The following ARSB variants were observed in gnomAD, a reference collection of about 807,000 sequenced individuals.
The protein encoded by ARSB is N-acetylgalactosamine-4-sulfatase.
A neutral mutation model predicts 50.9 loss-of-function variants in ARSB; 41 were observed. The ratio of observed to expected loss-of-function variants is 0.81; its 90% CI spans 0.63 to 1.04. The LOEUF is 1.04. Ranked by LOEUF, ARSB falls within the 50% of genes least tolerant of loss-of-function variation. The pLI, the probability that ARSB is intolerant of heterozygous loss-of-function variation, is 0.00. For synonymous variants in ARSB, 269 were observed against 284.8 expected, an observed-to-expected ratio of 0.94 and a Z score of 0.56; for missense variants, 672 against 693.3, an observed-to-expected ratio of 0.97 and a Z score of 0.35.
intron 5 of ARSB, among the ~76,000 whole-genome samples, chr5:78,845,450 T>C (rs1008667344): frequency 4.6e-5 from 7 of 152,166 alleles, no homozygotes; most frequent in African/African-American, 1.4e-4. Flanking sequence ...TGAGGAGCCT[T>C]CATATTGTTT....
intron 4 of ARSB, among the ~76,000 whole-genome samples, chr5:78,886,859 T>C (rs1488209820): frequency 6.6e-6 from 1 of 152,184 alleles, no homozygotes; most frequent in Admixed American, 6.5e-5. Flanking sequence ...AAAAATTTAT[T>C]AAGAAATCAG....
intron 2 of ARSB, among the ~76,000 whole-genome samples, chr5:78,966,944 A>C (rs77224840): frequency 7.1e-6 from 1 of 140,416 alleles, no homozygotes; most frequent in Non-Finnish European, 1.6e-5. Flanking sequence ...AAAAAAAAAA[A>C]GCTAAGATTG....
At chr5:78,935,688 A>G (rs1452324953) in intron 4 of ARSB, among the ~76,000 whole-genome samples, 1 of 152,224 alleles carries the variant, frequency 6.6e-6, no homozygotes, top group Non-Finnish European at 1.5e-5. Flanking sequence ...ACACAACCTA[A>G]TAACAATAAA....
chr5:78,881,527 G>T (rs337830), intron 5 of ARSB, among the ~76,000 whole-genome samples: 144,493 of 152,286 alleles, frequency 0.95, 68,819 homozygotes, highest in East Asian at 1. Flanking sequence ...AAAATAAGTG[G>T]AAAAGCACAT....
intron 4 of ARSB, among the ~76,000 whole-genome samples, chr5:78,886,302 T>G (rs1178116605): frequency 6.6e-6 from 1 of 152,220 alleles, no homozygotes; most frequent in Non-Finnish European, 1.5e-5. Flanking sequence ...AAAAAAATTC[T>G]ACAATTTAAA....
chr5:78,788,872 C>T (rs1205856786), intron 6 of ARSB, among the ~76,000 whole-genome samples: 1 of 152,222 alleles, frequency 6.6e-6, no homozygotes, highest in Non-Finnish European at 1.5e-5. Flanking sequence ...TCAAGCCATC[C>T]TCCCACCTTG....
At chr5:78,905,576 GC>G (rs942599238) in intron 4 of ARSB, among the ~76,000 whole-genome samples, 1 of 152,082 alleles carries the variant, frequency 6.6e-6, no homozygotes, top group Admixed American at 6.5e-5. Context: ...GTTTGGGTTT[GC>G]CCAGCGCATG....
At chr5:78,820,368 A>G (rs190520685) in intron 6 of ARSB, among the ~76,000 whole-genome samples, 80 of 152,302 alleles carry the variant, frequency 5.3e-4, no homozygotes, top group Non-Finnish European at 8.7e-4. Flanking sequence ...ACTGATATCT[A>G]CAAATAAACA....
chr5:78,960,757 G>A (rs778270559), intron 3 of ARSB, among the ~76,000 whole-genome samples: 4 of 152,126 alleles, frequency 2.6e-5, no homozygotes, highest in Non-Finnish European at 4.4e-5. Context: ...TAGAGATGGG[G>A]TTTAACTATG....
At chr5:78,902,383 C>G (rs1748848363) in intron 4 of ARSB, among the ~76,000 whole-genome samples, 1 of 152,186 alleles carries the variant, frequency 6.6e-6, no homozygotes, top group African/African-American at 2.4e-5. Flanking sequence ...ACATGATCCA[C>G]CAATTCCACA....
At chr5:78,964,003 CACCTT>C (rs1752105305) in intron 3 of ARSB, among the ~76,000 whole-genome samples, 1 of 152,164 alleles carries the variant, frequency 6.6e-6, no homozygotes, top group Non-Finnish European at 1.5e-5. Flanking sequence ...AATAAAGCCT[CACCTT>C]ACACCTAAGC....
intron 6 of ARSB, among the ~76,000 whole-genome samples, chr5:78,832,832 GC>G (rs1190613960): frequency 1.3e-5 from 2 of 152,124 alleles, no homozygotes; most frequent in Non-Finnish European, 2.9e-5. Context: ...ATCTGTCACT[GC>G]CCTTCATCTA....
intron 6 of ARSB, among the ~76,000 whole-genome samples, chr5:78,814,762 G>C (rs339029): frequency 0.86 from 128,983 of 150,418 alleles, 56,152 homozygotes; most frequent in Middle Eastern, 0.92. Flanking sequence ...TCTACAGCAA[G>C]CTTCCTCAAA....
chr5:78,796,868 G>A (rs537896331), intron 6 of ARSB, among the ~76,000 whole-genome samples: 183 of 146,688 alleles, frequency 1.2e-3, no homozygotes, highest in Middle Eastern at 3.7e-3. Context: ...TGGCCAGGAT[G>A]GTCTCGATCT....
intron 5 of ARSB, among the ~76,000 whole-genome samples, chr5:78,852,060 A>G (rs953804065): frequency 1.1e-4 from 16 of 152,204 alleles, no homozygotes; most frequent in Admixed American, 9.8e-4. Context: ...GCCCATTTAC[A>G]TTTAAAGTTA....
intron 4 of ARSB, among the ~76,000 whole-genome samples, chr5:78,946,513 T>C (rs578130480): frequency 2.6e-5 from 4 of 152,280 alleles, no homozygotes; most frequent in African/African-American, 9.6e-5. Context: ...CCTTTTACAA[T>C]AGCTACCAAT....
chr5:78,958,048 T>C (rs1205778755), intron 3 of ARSB, among the ~76,000 whole-genome samples: 1 of 152,146 alleles, frequency 6.6e-6, no homozygotes, highest in African/African-American at 2.4e-5. Context: ...GACTACTCTT[T>C]GTCCACACTC....
At chr5:78,900,643 T>C (rs529737320) in intron 4 of ARSB, among the ~76,000 whole-genome samples, 1 of 152,282 alleles carries the variant, frequency 6.6e-6, no homozygotes, top group East Asian at 1.9e-4. Context: ...CAATGCTATA[T>C]ATTTGTTTTT....
chr5:78,797,100 G>A (rs1352512149), intron 6 of ARSB, among the ~76,000 whole-genome samples: 2 of 152,032 alleles, frequency 1.3e-5, no homozygotes, highest in East Asian at 3.9e-4. Flanking sequence ...GGATGGTCTC[G>A]ATCTCCTGAC....
Sources: gnomAD v4.1 joint callset for allele counts (sites outside exome capture counted in the v4.1 genomes callset) on GRCh38, gnomAD v4.1.1 for gene constraint, MANE v1.5 for transcripts, NCBI Gene and HGNC (gene_info 2026-07-23, HGNC 2026-07-21) for gene names.